Variants in RABGEF1 observed in about 807,000 individuals in gnomAD.
RABGEF1 encodes the protein RAB guanine nucleotide exchange factor 1.
RABGEF1 carries 26 observed loss-of-function variants against 57.3 expected under a neutral mutation model. That is an observed-to-expected ratio of 0.45 (90% CI 0.33 to 0.63). The LOEUF (loss-of-function observed/expected upper bound fraction) is 0.63, where lower values mean the gene tolerates loss of function less well. Among genes scored for constraint, RABGEF1 ranks in the 20% least tolerant of loss-of-function variants. The pLI is 0.02. For synonymous variants in RABGEF1, 185 were observed against 210.7 expected, an observed-to-expected ratio of 0.88 and a Z score of 1.06; for missense variants, 464 against 607.6, an observed-to-expected ratio of 0.76 and a Z score of 2.48.
rs535853596 is a variant in RABGEF1, at chr7:66,805,134, T to G, written c.821-6T>G. On this transcript the variant is annotated splice_region_variant and splice_polypyrimidine_tract_variant and intron_variant, in intron 7 of 8. Transcript: ENST00000284957. ...CCTGGGAAATATTGTCTTTTCTGCT[T>G]TGTAGATATCATTGAAATGGATTCC... 6.3e-7 allele frequency: 1 copy of G among 1,594,026 alleles called. No homozygotes were observed. Among genetic ancestry groups the G allele is most frequent in the East Asian group, 2.2e-5 (1 of 44,754 alleles).
At position 66,767,165 on chromosome 7, in the gene RABGEF1, GC is replaced by G. The variant is rs1482415511; in HGVS notation, c.-17-4717del. 2.6e-5 allele frequency among the ~76,000 whole-genome samples: 4 copies of G among 151,990 alleles called. No homozygotes were observed. The East Asian group carries it at 7.7e-4, about 29-fold the overall frequency. On this transcript the variant is annotated intron_variant, in intron 1 of 8. Transcript: ENST00000284957. ...TTACAGACGTCTGCCACCATGCTCA[GC>G]TAATTTTTGTATGTTTAATAGAGAC...
upstream of RABGEF1, chr7:66,682,110 CG>C (rs566581595): frequency 4.8e-5 from 8 of 167,560 alleles, 1 homozygote; most frequent in South Asian, 8.2e-4. Flanking sequence ...CTGGCGGTGC[CG>C]GGGGGGCGGG....
At chr7:66,692,997 G>A (rs1156405367) in intron 1 of RABGEF1, among the ~76,000 whole-genome samples, 3 of 152,158 alleles carry the variant, frequency 2.0e-5, no homozygotes, top group African/African-American at 7.2e-5. Flanking sequence ...TCCCTGCTGG[G>A]GATCTTTTCT....
At position 66,795,533 on chromosome 7, in the gene RABGEF1, C is replaced by A; in HGVS notation, c.536C>A (p.Ser179Ter). ...YKRDLSIEEQ[S>*]ECAQDFYHNV... ...CAGGATCTAAGCATTGAAGAACAGT[C>A]AGAGTGTGCTCAGGATTTCTACCAC... Residue 179 changes from serine to a stop codon, truncating the protein, a stop_gained, in exon 5 of 9, where the codon TCA becomes TAA. Transcript: ENST00000284957. LOFTEE classifies it high-confidence loss of function. The A allele has an allele frequency of 6.2e-7, 1 of 1,611,870 alleles. No homozygotes were observed. Among genetic ancestry groups the A allele is most frequent in the South Asian group, 1.1e-5 (1 of 91,008 alleles).
At chr7:66,687,364 G>C (rs1385407140) in intron 1 of RABGEF1, among the ~76,000 whole-genome samples, 1 of 151,338 alleles carries the variant, frequency 6.6e-6, no homozygotes. Flanking sequence ...GAACTGAGGT[G>C]ATCCATCCTC....
chr7:66,806,132 G>A (rs1788388052), intron 8 of RABGEF1, among the ~76,000 whole-genome samples: 1 of 152,082 alleles, frequency 6.6e-6, no homozygotes, highest in Non-Finnish European at 1.5e-5. Context: ...GAGACTTGGG[G>A]CAGCGTATGG....
chr7:66,707,471 T>A (rs1383784311), intron 1 of RABGEF1, among the ~76,000 whole-genome samples: 1 of 152,130 alleles, frequency 6.6e-6, no homozygotes, highest in Non-Finnish European at 1.5e-5. Context: ...GGCAGGCAGA[T>A]CACCTCAGGA....
At chr7:66,659,797 A>C in the RABGEF1 span, among the ~76,000 whole-genome samples, 1 of 151,762 alleles carries the variant, frequency 6.6e-6, no homozygotes, top group African/African-American at 2.4e-5. Flanking sequence ...TAAATAAATA[A>C]AAATAAAAAA....
chr7:66,659,466 A>C, the RABGEF1 span, among the ~76,000 whole-genome samples: 2 of 151,018 alleles, frequency 1.3e-5, no homozygotes, highest in African/African-American at 2.4e-5. Context: ...AAAAAAAAAG[A>C]AAAAAGAAAA....
chr7:66,694,740 CAG>C (rs1381816961), intron 1 of RABGEF1, among the ~76,000 whole-genome samples: 2 of 151,278 alleles, frequency 1.3e-5, no homozygotes, highest in Non-Finnish European at 2.9e-5. Context: ...ACCAATGGGA[CAG>C]AGGGTGGAGG....
intron 1 of RABGEF1, among the ~76,000 whole-genome samples, chr7:66,698,894 CA>C (rs1217420761): frequency 1.3e-5 from 2 of 152,168 alleles, no homozygotes; most frequent in Non-Finnish European, 2.9e-5. Flanking sequence ...ACACCTACAG[CA>C]GGGGGTTCCA....
At chr7:66,724,306 A>G (rs1243162865) in intron 2 of RABGEF1, among the ~76,000 whole-genome samples, 4 of 151,718 alleles carry the variant, frequency 2.6e-5, no homozygotes, top group African/African-American at 7.3e-5. Context: ...TTTGGTATTC[A>G]GCAACTTGAT....
At chr7:66,684,590 G>T (rs1790311931) in intron 1 of RABGEF1, among the ~76,000 whole-genome samples, 1 of 152,148 alleles carries the variant, frequency 6.6e-6, no homozygotes. Flanking sequence ...AAGTAGCTGG[G>T]AACACAGGCT....
At chr7:66,774,406 T>C (rs564394965) in intron 2 of RABGEF1, among the ~76,000 whole-genome samples, 7 of 152,352 alleles carry the variant, frequency 4.6e-5, no homozygotes, top group East Asian at 3.9e-4. Context: ...CTTGCTTCCC[T>C]ACCACATGAT....
chr7:66,735,652 AT>A (rs1797859375), intron 2 of RABGEF1, among the ~76,000 whole-genome samples: 1 of 151,702 alleles, frequency 6.6e-6, no homozygotes, highest in African/African-American at 2.4e-5. Flanking sequence ...TTATTGTGAG[AT>A]CTGGTGGTTT....
chr7:66,705,443 A>AAGACAAAGAGAGAGAGAGAG (rs540794271), intron 1 of RABGEF1, among the ~76,000 whole-genome samples: 6 of 66,370 alleles, frequency 9.0e-5, no homozygotes, highest in African/African-American at 1.5e-4. Flanking sequence ...TCTCGAAAGA[A>AAGACAAAGAGAGAGAGAGAG]AGAGAGAGAG....
chr7:66,674,391 T>G, the RABGEF1 span, among the ~76,000 whole-genome samples: 2 of 152,062 alleles, frequency 1.3e-5, no homozygotes, highest in Non-Finnish European at 2.9e-5. Flanking sequence ...TTTCACCGTT[T>G]TGGCTAGGCT....
At position 66,685,349 on chromosome 7, in the gene RABGEF1, C is replaced by T. The variant is rs76003468; in HGVS notation, c.-873+3091C>T. Among the ~76,000 whole-genome samples, 1,466 of 152,072 alleles carry T rather than the reference C, an allele frequency of 9.6e-3. 9 individuals carry two copies. Among genetic ancestry groups the T allele is most frequent in the Non-Finnish European group, 0.016 (1,089 of 67,990 alleles). ...CTTCTGTCTTGTATTTTAATCTTCT[C>T]TGCTCTTTAGATGTTTGAAGTGAGG... On this transcript the variant is annotated intron_variant and NMD_transcript_variant, in intron 1 of 9. Transcript: ENST00000607882.
At chr7:66,748,879 T>A in intron 1 of RABGEF1, 1 of 243,394 alleles carries the variant, frequency 4.1e-6, no homozygotes. Flanking sequence ...AGCACCTTAT[T>A]GAAACCCTCA....
Sources: allele counts gnomAD v4.1 joint callset (sites outside exome capture counted in the v4.1 genomes callset), GRCh38; gene constraint gnomAD v4.1.1; transcripts MANE v1.5; gene names NCBI Gene and HGNC (gene_info 2026-07-23, HGNC 2026-07-21).